Variants in GORASP2 observed in about 807,000 individuals in gnomAD.
The protein encoded by GORASP2 is Golgi reassembly-stacking protein 2.
GORASP2 carries 22 observed loss-of-function variants against 45.7 expected under a neutral mutation model. The ratio of observed to expected loss-of-function variants is 0.48; its 90% confidence interval spans 0.34 to 0.69. The LOEUF (loss-of-function observed/expected upper bound fraction) is 0.69. Ranked by LOEUF, GORASP2 falls within the 30% of genes least tolerant of loss-of-function variation. The pLI, the probability that GORASP2 is intolerant of heterozygous loss-of-function variation, is 0.01. For synonymous variants in GORASP2, 221 were observed against 215.6 expected, an observed-to-expected ratio of 1.02 and a Z score of -0.22; for missense variants, 491 against 562.7, an observed-to-expected ratio of 0.87 and a Z score of 1.29.
intron 1 of GORASP2, among the ~76,000 whole-genome samples, chr2:170,944,604 G>GTTTAAACTTTATACTCTAAAGTTTATAC (rs1559310126): frequency 1.3e-5 from 2 of 152,126 alleles, no homozygotes; most frequent in Non-Finnish European, 2.9e-5. Flanking sequence ...CAGACAAATA[G>GTTTAAACTTTATACTCTAAAGTTTATAC]TTTAAACTTT....
rs763358359 is a variant in GORASP2, at chr2:170,949,746, C to T, written c.348+4C>T. 6 of 1,594,212 alleles carry T rather than the reference C, an allele frequency of 3.8e-6. No homozygotes were observed. The highest frequency in any genetic ancestry group is 3.3e-5 in the Admixed American group (2 of 59,970). ...TGAAAATGTTTGGCATGTGCTGGTA[C>T]GTATCAACTGTGAACTGTTACTGGA... On this transcript the variant is annotated splice_donor_region_variant and intron_variant, in intron 3 of 9. Transcript: ENST00000234160.
At chr2:170,938,232 AGCATTT>A (rs1449599636) in intron 1 of GORASP2, among the ~76,000 whole-genome samples, 1 of 152,232 alleles carries the variant, frequency 6.6e-6, no homozygotes, top group Non-Finnish European at 1.5e-5. Context: ...CTTTATTACT[AGCATTT>A]GCATTATTGT....
intron 1 of GORASP2, among the ~76,000 whole-genome samples, chr2:170,935,923 G>A (rs1220014377): frequency 6.6e-6 from 1 of 152,110 alleles, no homozygotes. Context: ...TAATGCCTGC[G>A]CTATCATCCT....
intron 9 of GORASP2, among the ~76,000 whole-genome samples, chr2:170,964,115 A>G (rs920612272): frequency 6.6e-6 from 1 of 152,254 alleles, no homozygotes; most frequent in Non-Finnish European, 1.5e-5. Context: ...AAAATGAAGC[A>G]GCAGCTTCCT....
In GORASP2 at chr2:170,929,392, C is replaced by A; in HGVS notation, c.52C>A (p.His18Asn). Residue 18 changes from histidine (H) to asparagine (N), a missense_variant, in exon 1 of 10, where the codon CAC becomes AAC. Transcript: ENST00000234160. Reference sequence around the variant, plus strand: ...CCCGGGCGGGGGCACCGAGGGCTACCACGTTCTGCGGGTAAGGGCTCCGAC... The same window carrying A: ...CCCGGGCGGGGGCACCGAGGGCTACAACGTTCTGCGGGTAAGGGCTCCGAC... ...EIPGGGTEGY[H>N]VLRVQENSPG... is the part of the protein sequence containing the mutation. 1 of 1,420,088 alleles carries A rather than the reference C, an allele frequency of 7.0e-7. No homozygotes were observed. The highest frequency in any genetic ancestry group is 9.2e-7 in the Non-Finnish European group (1 of 1,085,504). The allele number at this position is 1,420,088 out of a possible 1,614,324, so 88.0% of individuals were successfully genotyped here.
At chr2:170,945,452 G>A (rs1420833857) in intron 1 of GORASP2, among the ~76,000 whole-genome samples, 1 of 148,278 alleles carries the variant, frequency 6.7e-6, no homozygotes, top group Non-Finnish European at 1.5e-5. Context: ...GTAAGCTATG[G>A]ATGCACCCCA....
At chr2:170,937,476 T>C (rs2105312800) in intron 1 of GORASP2, among the ~76,000 whole-genome samples, 1 of 152,212 alleles carries the variant, frequency 6.6e-6, no homozygotes, top group Non-Finnish European at 1.5e-5. Flanking sequence ...GCTGGGACTA[T>C]AGCTGTGAGC....
chr2:170,933,690 A>G (rs1287028149), intron 1 of GORASP2, among the ~76,000 whole-genome samples: 1 of 118,464 alleles, frequency 8.4e-6, no homozygotes, highest in Non-Finnish European at 1.9e-5. Flanking sequence ...TAAAATATTC[A>G]TATTCTGTTC....
chr2:170,962,041 T>C (rs1704575000), intron 8 of GORASP2, among the ~76,000 whole-genome samples: 1 of 152,204 alleles, frequency 6.6e-6, no homozygotes, highest in African/African-American at 2.4e-5. Context: ...CGGCCAGGAA[T>C]AAGGAATCTG....
chr2:170,955,382 G>C (rs1042177506), intron 6 of GORASP2, among the ~76,000 whole-genome samples: 1 of 152,188 alleles, frequency 6.6e-6, no homozygotes, highest in Non-Finnish European at 1.5e-5. Flanking sequence ...GGGGTCATGA[G>C]GGGAGTGAAG....
chr2:170,948,334 G>C lies in GORASP2; in HGVS notation c.64-16G>C. ...AAGCTTTACATTTTTTATTTTTGTC[G>C]TTTTTGTTTCCGCAGGTACAAGAAA... is the stretch of plus-strand genomic sequence containing the variant. On this transcript the variant is annotated splice_polypyrimidine_tract_variant and intron_variant, in intron 1 of 9. Coordinates refer to ENST00000234160, the MANE Select transcript of GORASP2 (RefSeq NM_015530.5). 6.7e-7 allele frequency: 1 copy of C among 1,497,708 alleles called. No homozygotes were observed. The highest frequency in any genetic ancestry group is 2.3e-5 in the East Asian group (1 of 44,234). The allele number at this position is 1,497,708 out of a possible 1,614,324, so 92.8% of individuals were successfully genotyped here.
At position 170,961,669 on chromosome 2, in the gene GORASP2, C is replaced by G; in HGVS notation, c.830C>G (p.Pro277Arg). 6.5e-7 allele frequency: 1 copy of G among 1,549,782 alleles called. No homozygotes were observed. Residue 277 changes from proline (P) to arginine (R), a missense_variant, in exon 8 of 10, where the codon CCA becomes CGA. Around this residue, in one of 2 missense-constraint regions of GORASP2, gnomAD observed 297 missense variants for 292.3 expected, o/e 1.02. Transcript: ENST00000234160. ...GATTGTGCTTTCTTTTTAGGTGTAC[C>G]AACAGTACCGTTATTGCCACCACAA... Reference protein sequence around the residue: ...AVSSVLSTGVPTVPLLPPQVN... With the variant: ...AVSSVLSTGVRTVPLLPPQVN...
At chr2:170,963,984 AC>A (rs1050260797) in intron 9 of GORASP2, among the ~76,000 whole-genome samples, 8 of 152,222 alleles carry the variant, frequency 5.3e-5, no homozygotes, top group African/African-American at 1.4e-4. Flanking sequence ...ATATAAAAAA[AC>A]AAACGTGAAT....
At chr2:170,953,242 G>C (rs911051728) in intron 5 of GORASP2, among the ~76,000 whole-genome samples, 2 of 152,018 alleles carry the variant, frequency 1.3e-5, no homozygotes, top group African/African-American at 4.8e-5. Context: ...TATAGTCCCA[G>C]CTACTCAGGA....
At chr2:170,960,806 G>A (rs981079702) in intron 7 of GORASP2, among the ~76,000 whole-genome samples, 2 of 152,108 alleles carry the variant, frequency 1.3e-5, no homozygotes, top group Non-Finnish European at 1.5e-5. Flanking sequence ...CAGAAAAGTA[G>A]ATAAATGAAT....
Position 170,965,943 on chromosome 2 carries a change from G to A in GORASP2, c.1172G>A (p.Ser391Asn), listed in dbSNP as rs1704676996. ...GELLSSLPPTSNAPSDPATTT... is the reference protein window; with the variant it reads ...GELLSSLPPTNNAPSDPATTT... ...CTGCTGTCTTCCCTCCCGCCCACCA[G>A]CAACGCACCCTCCGACCCTGCCACA... The change falls in exon 10 of 10, where the codon AGC becomes AAC. Residue 391 changes from serine (S) to asparagine (N), a missense_variant. Coordinates refer to ENST00000234160, the MANE Select transcript of GORASP2 (RefSeq NM_015530.5). 1 of 1,613,830 alleles carries A rather than the reference G, an allele frequency of 6.2e-7. No homozygotes were observed. Among genetic ancestry groups the A allele is most frequent in the Non-Finnish European group, 8.5e-7 (1 of 1,179,934 alleles).
At position 170,948,340 on chromosome 2, in the gene GORASP2, GTTTC is replaced by G. The variant is rs1704224448; in HGVS notation, c.64-9_64-6del. On this transcript the variant is annotated splice_region_variant and splice_polypyrimidine_tract_variant and intron_variant, in intron 1 of 9. Transcript: ENST00000234160. ...TACATTTTTTATTTTTGTCGTTTTTGTTTCCGCAGGTACAAGAAAATTCCCCAGG... is the reference window on the plus strand; with the variant it reads ...TACATTTTTTATTTTTGTCGTTTTTGCGCAGGTACAAGAAAATTCCCCAGG... The G allele has an allele frequency of 6.5e-7, 1 of 1,536,766 alleles. No individual in the cohort carries two copies. The highest frequency in any genetic ancestry group is 9.0e-7 in the Non-Finnish European group (1 of 1,117,196).
Position 170,966,403 on chromosome 2 carries a change from T to C in GORASP2, c.*273T>C, listed in dbSNP as rs1704689245. ...GCTGCCAGGCTTGCACTGCCGTTCCTGGGGGTGTGCATCTTCGGGAAAGGT... is the reference window on the plus strand; with the variant it reads ...GCTGCCAGGCTTGCACTGCCGTTCCCGGGGGTGTGCATCTTCGGGAAAGGT... On this transcript the variant is annotated 3_prime_UTR_variant, in exon 10 of 10. Transcript: ENST00000234160. The C allele has an allele frequency of 8.0e-6, 4 of 497,410 alleles. No homozygotes were observed. Among genetic ancestry groups the C allele is most frequent in the Admixed American group, 3.6e-5 (1 of 27,440 alleles). 30.8% of individuals were successfully genotyped at this position (497,410 alleles called of 1,614,324 possible). A position where few individuals can be genotyped will look rare whatever the true frequency, so the allele number is the denominator to read the frequency against.
In GORASP2 at chr2:170,939,030, T is replaced by A. The variant is rs1277609350; in HGVS notation, c.64-9320T>A. Among the ~76,000 whole-genome samples the A allele has an allele frequency of 2.0e-5, 3 of 152,126 alleles. No homozygotes were observed. In the East Asian group the frequency reaches 5.8e-4, roughly 29 times the overall value. On this transcript the variant is annotated intron_variant, in intron 1 of 9. Coordinates refer to ENST00000234160, the MANE Select transcript of GORASP2 (RefSeq NM_015530.5). ...AAAAGCACAGAGAAGTTAATCTGATTTGCCCAAGGTCACAGAGCAAGTTTT... is the reference window on the plus strand; with the variant it reads ...AAAAGCACAGAGAAGTTAATCTGATATGCCCAAGGTCACAGAGCAAGTTTT...
Sources: allele counts gnomAD v4.1 joint callset (sites outside exome capture counted in the v4.1 genomes callset), GRCh38; gene constraint gnomAD v4.1.1; regional missense constraint gnomAD v4.1.1; transcripts MANE v1.5; gene names NCBI Gene and HGNC (gene_info 2026-07-23, HGNC 2026-07-21).